Variants in COL8A2 observed in about 807,000 individuals in gnomAD.
COL8A2 encodes collagen type VIII alpha 2 chain.
A neutral mutation model predicts 24.0 loss-of-function variants in COL8A2; 16 were observed. The observed-to-expected ratio is 0.67, with a 90% CI of 0.45 to 1.01. The LOEUF (loss-of-function observed/expected upper bound fraction) is 1.01, where lower values mean the gene tolerates loss of function less well. Among genes scored for constraint, COL8A2 ranks in the 50% least tolerant of loss-of-function variants. The probability of loss-of-function intolerance (pLI) is 0.00; values close to 1 mark genes in which losing one functional copy is unlikely to be tolerated. For missense variants in COL8A2, 818 were observed against 942.4 expected, an observed-to-expected ratio of 0.87 and a Z score of 1.73; for synonymous variants, 466 against 424.5, an observed-to-expected ratio of 1.10 and a Z score of -1.20.
intron 2 of COL8A2, among the ~76,000 whole-genome samples, chr1:36,107,722 C>T (rs1038325575): frequency 2.0e-5 from 3 of 152,010 alleles, no homozygotes; most frequent in African/African-American, 7.3e-5. Flanking sequence ...TTTGCCCCCA[C>T]CCCAGCACCA....
intron 2 of COL8A2, among the ~76,000 whole-genome samples, chr1:36,107,974 T>TCTTTCCACCACGCTCCCCCA (rs1643784376): frequency 6.6e-6 from 1 of 152,110 alleles, no homozygotes; most frequent in Non-Finnish European, 1.5e-5. Flanking sequence ...GCTCTCCACC[T>TCTTTCCACCACGCTCCCCCA]CTTTCCACCA....
rs758738576 is a variant in COL8A2, at chr1:36,098,916, C to T, written c.765G>A (p.Gly255=). Residue 255 remains glycine (G), a synonymous_variant, in exon 4 of 4, where the codon GGG becomes GGA. Coordinates refer to ENST00000397799, the MANE Select transcript of COL8A2 (RefSeq NM_005202.4). ...PGAPGDKGES[G]PPGVPGPRGE... is the part of the protein sequence containing the mutation. ...CCCTGGGGCCTGGAACTCCAGGAGGCCCAGACTCACCCTTGTCTCCTGGGG... is the reference window on the plus strand; with the variant it reads ...CCCTGGGGCCTGGAACTCCAGGAGGTCCAGACTCACCCTTGTCTCCTGGGG... 6.2e-7 allele frequency: 1 copy of T among 1,611,198 alleles called. No homozygotes were observed. Among genetic ancestry groups the T allele is most frequent in the Non-Finnish European group, 8.5e-7 (1 of 1,179,156 alleles).
rs1286408032 is a variant in COL8A2, at chr1:36,098,011, C to T, written c.1670G>A (p.Gly557Asp). 1 of 1,597,646 alleles carries T rather than the reference C, an allele frequency of 6.3e-7. No individual in the cohort carries two copies. The change falls in exon 4 of 4, where the codon GGC (glycine) becomes GAC (aspartate). Residue 557 changes from glycine (G) to aspartate (D), a missense_variant. Coordinates refer to ENST00000397799, the MANE Select transcript of COL8A2 (RefSeq NM_005202.4). ...PNGGVEGAVL[G>D]KGGKPQFGLG... ...CCCAAACTGTGGCTTGCCCCCCTTG[C>T]CCAGCACGGCACCCTCCACACCGCC...
At position 36,114,318 on chromosome 1, in the gene COL8A2, C is replaced by CAAAA. The variant is rs57876657; in HGVS notation, c.-17+1386_-17+1389dup. Among the ~76,000 whole-genome samples the CAAAA allele has an allele frequency of 2.1e-3, 242 of 115,286 alleles. 4 individuals are homozygous for CAAAA. Among genetic ancestry groups the CAAAA allele is most frequent in the African/African-American group, 7.8e-3 (223 of 28,680 alleles). 75.6% of individuals were successfully genotyped at this position (115,286 alleles called of 152,430 possible). ...TGGGCGACAGAGCGAGACTCCATCT[C>CAAAA]AAAAAAAAAAAAAAAAAATACAGGT... On this transcript the variant is annotated intron_variant, in intron 2 of 3. Coordinates refer to ENST00000397799, the MANE Select transcript of COL8A2 (RefSeq NM_005202.4).
In COL8A2 at chr1:36,098,174, C is replaced by A. The variant is rs1384351234; in HGVS notation, c.1507G>T (p.Ala503Ser). 6 of 1,516,186 alleles carry A rather than the reference C, an allele frequency of 4.0e-6. No individual in the cohort carries two copies. Among genetic ancestry groups the A allele is most frequent in the Non-Finnish European group, 5.3e-6 (6 of 1,133,080 alleles). 93.9% of individuals were successfully genotyped at this position (1,516,186 alleles called of 1,614,324 possible). A position where few individuals can be genotyped will look rare whatever the true frequency, so the allele number is the denominator to read the frequency against. Residue 503 changes from alanine (A) to serine (S), a missense_variant, in exon 4 of 4, where the codon GCT (alanine) becomes TCT (serine). Around this residue, in one of 3 missense-constraint regions of COL8A2, gnomAD observed 235 missense variants for 297.3 expected, o/e 0.79. Transcript: ENST00000397799. ...GEGRAGEPGTAGPTGPPGVPG... is the reference protein window; with the variant it reads ...GEGRAGEPGTSGPTGPPGVPG... ...ACCCCTGGGGGCCCCGTGGGCCCAG[C>A]CGTGCCAGGTTCCCCTGCTCTCCCC...
intron 1 of COL8A2, among the ~76,000 whole-genome samples, chr1:36,124,251 G>C (rs1643934852): frequency 6.6e-6 from 1 of 152,212 alleles, no homozygotes; most frequent in Non-Finnish European, 1.5e-5. Context: ...ACACACACGT[G>C]CGTGCACACA....
chr1:36,097,438 T>C lies in COL8A2; in HGVS notation c.*131A>G. On this transcript the variant is annotated 3_prime_UTR_variant, in exon 4 of 4. Coordinates refer to ENST00000397799, the MANE Select transcript of COL8A2 (RefSeq NM_005202.4). ...TGCATGCAGGGAGAAAGCAAGTTAG[T>C]CTCCTCGGGCCAAGGCCACGGCCGC... 1 of 745,506 alleles carries C rather than the reference T, an allele frequency of 1.3e-6. No individual in the cohort carries two copies. The highest frequency in any genetic ancestry group is 1.7e-5 in the South Asian group (1 of 57,716). 46.2% of individuals were successfully genotyped at this position (745,506 alleles called of 1,614,324 possible). A position where few individuals can be genotyped will look rare whatever the true frequency, so the allele number is the denominator to read the frequency against.
Position 36,098,841 on chromosome 1 carries a change from C to T in COL8A2, c.840G>A (p.Val280=), listed in dbSNP as rs1643622242. The T allele has an allele frequency of 1.9e-6, 3 of 1,612,286 alleles. No individual in the cohort carries two copies. The highest frequency in any genetic ancestry group is 8.5e-7 in the Non-Finnish European group (1 of 1,179,690). Residue 280 remains valine, a synonymous_variant, in exon 4 of 4, where the codon GTG becomes GTA. Transcript: ENST00000397799. ...GCAACCCTGCTGCCCCTGGGACTCC[C>T]ACACCGTCTACTCCAGGAGGTCCTT... ...GPKGPPGVDG[V]GVPGAAGLPG... is the part of the protein sequence containing the mutation.
intron 1 of COL8A2, among the ~76,000 whole-genome samples, chr1:36,120,089 C>T (rs887551425): frequency 1.3e-5 from 2 of 152,158 alleles, no homozygotes; most frequent in African/African-American, 4.8e-5. Flanking sequence ...CGGTTCTGGG[C>T]TCTCTCTGGG....
chr1:36,111,203 C>G (rs1351846128), intron 2 of COL8A2, among the ~76,000 whole-genome samples: 1 of 152,110 alleles, frequency 6.6e-6, no homozygotes, highest in Non-Finnish European at 1.5e-5. Context: ...CGGGCCTGAC[C>G]CCTCCCCAGC....
rs754830468 is a variant in COL8A2 at position 36,099,439 on chromosome 1, G to T, written c.242C>A (p.Pro81His). The change falls in exon 4 of 4, where the codon CCC (proline) becomes CAC (histidine). Residue 81 changes from proline to histidine, a missense_variant. Pro to His is a moderately conservative substitution (Grantham distance 77). Coordinates refer to ENST00000397799, the MANE Select transcript of COL8A2 (RefSeq NM_005202.4). ...ACCCCGAGGCCCGGGCTTCCCAGGG[G>T]GGCCGGGCTCTCCCTTCAGGTCCAT... ...LPMDLKGEPG[P>H]PGKPGPRGPP... 1.3e-6 allele frequency: 2 copies of T among 1,545,598 alleles called. No homozygotes were observed. The highest frequency in any genetic ancestry group is 1.4e-5 in the African/African-American group (1 of 73,728).
At position 36,097,957 on chromosome 1, in the gene COL8A2, G is replaced by A. The variant is rs145553904; in HGVS notation, c.1724C>T (p.Pro575Leu). Residue 575 changes from proline (P) to leucine (L), a missense_variant, in exon 4 of 4, where the codon CCG (proline) becomes CTG (leucine). This residue lies in a region of COL8A2 where 235 missense variants were observed against 297.3 expected (regional missense o/e 0.79). Transcript: ENST00000397799. ...GLGELSAHAT[P>L]AFTAVLTSPF... ...CGAGGTGAGCACCGCAGTGAAGGCCGGTGTGGCATGGGCAGACAGCTCGCC... is the reference window on the plus strand; with the variant it reads ...CGAGGTGAGCACCGCAGTGAAGGCCAGTGTGGCATGGGCAGACAGCTCGCC... 1.0e-3 allele frequency: 1,618 copies of A among 1,608,466 alleles called. 4 individuals are homozygous for A. Among genetic ancestry groups the A allele is most frequent in the Non-Finnish European group, 1.1e-3 (1,268 of 1,178,990 alleles).
intron 1 of COL8A2, among the ~76,000 whole-genome samples, chr1:36,122,800 C>T (rs1643924037): frequency 1.3e-5 from 2 of 152,042 alleles, no homozygotes; most frequent in Admixed American, 1.3e-4. Context: ...TTATATCATT[C>T]GCAGCTCACA....
chr1:36,113,547 G>T (rs914659439), intron 2 of COL8A2, among the ~76,000 whole-genome samples: 1 of 152,246 alleles, frequency 6.6e-6, no homozygotes, highest in African/African-American at 2.4e-5. Context: ...ACTTGGCGGG[G>T]GGTCCAGTGC....
rs191283300 is a variant in COL8A2, at chr1:36,105,427, C to T, written c.-16-5169G>A. On this transcript the variant is annotated intron_variant, in intron 2 of 3. Coordinates refer to ENST00000397799, the MANE Select transcript of COL8A2 (RefSeq NM_005202.4). ...ATTTTACAGAGGTAGGAAATGGAAG[C>T]TCCAACTGTAAGAGTCTAAGTGTCA... Among the ~76,000 whole-genome samples the T allele has an allele frequency of 1.4e-3, 206 of 152,354 alleles. 1 individual carries two copies. The highest frequency in any genetic ancestry group is 4.7e-3 in the African/African-American group (196 of 41,580).
chr1:36,105,412 G>A (rs1643743168), intron 2 of COL8A2, among the ~76,000 whole-genome samples: 1 of 152,198 alleles, frequency 6.6e-6, no homozygotes, highest in South Asian at 2.1e-4. Flanking sequence ...ATTTTACAGA[G>A]GTAGGAAATG....
At position 36,098,425 on chromosome 1, in the gene COL8A2, G is replaced by C; in HGVS notation, c.1256C>G (p.Pro419Arg). 1 of 1,582,932 alleles carries C rather than the reference G, an allele frequency of 6.3e-7. No individual in the cohort carries two copies. Among genetic ancestry groups the C allele is most frequent in the Non-Finnish European group, 8.6e-7 (1 of 1,165,028 alleles). ...ACCCTTGGGCCCAGTTGGTCCAGGG[G>C]GTCCATGGGCCCCAGGAAGTCCCCT... is the stretch of plus-strand genomic sequence containing the variant. ...GERGLPGAHG[P>R]PGPTGPKGEP... is the part of the protein sequence containing the mutation. Residue 419 changes from proline to arginine, a missense_variant, in exon 4 of 4, where the codon CCC becomes CGC. Physicochemically the swap from Pro to Arg is moderately radical, Grantham distance 103. This residue lies in a region of COL8A2 where 573 missense variants were observed against 616.8 expected (regional missense o/e 0.93). Transcript: ENST00000397799.
chr1:36,102,664 GTTTTTTGT>G (rs1330495623), intron 2 of COL8A2, among the ~76,000 whole-genome samples: 3 of 94,780 alleles, frequency 3.2e-5, no homozygotes, highest in Admixed American at 1.5e-4. Context: ...TATAAAGCTG[GTTTTTTGT>G]TTTTTTTTTT....
Position 36,098,713 on chromosome 1 carries a change from G to C in COL8A2, c.968C>G (p.Pro323Arg). 6.2e-7 allele frequency: 1 copy of C among 1,610,084 alleles called. No individual in the cohort carries two copies. ...TGYGMPGLPG[P>R]KGDRGPAGVP... ...CCCAGCTGGGCCCCTGTCCCCCTTG[G>C]GGCCTGGCAGTCCTGGCATCCCATA... The change falls in exon 4 of 4, where the codon CCC becomes CGC. Residue 323 changes from proline (P) to arginine (R), a missense_variant. Physicochemically the swap from Pro to Arg is moderately radical, Grantham distance 103. Transcript: ENST00000397799.
Sources: allele counts gnomAD v4.1 joint callset (sites outside exome capture counted in the v4.1 genomes callset), GRCh38; gene constraint gnomAD v4.1.1; regional missense constraint gnomAD v4.1.1; transcripts MANE v1.5; gene names NCBI Gene and HGNC (gene_info 2026-07-23, HGNC 2026-07-21).